SNX29: variants seen among roughly 807,000 people sequenced by gnomAD.
SNX29 encodes sorting nexin 29, also known as sorting nexin-29.
A neutral mutation model predicts 102.1 loss-of-function variants in SNX29; 78 were observed. That is an observed-to-expected ratio of 0.76 (90% CI 0.64 to 0.92). SNX29 has a LOEUF of 0.92. SNX29 is among the 40% of genes least tolerant of loss of function. The pLI is 0.00. For synonymous variants in SNX29, 580 were observed against 414.5 expected (o/e 1.40, Z -4.85); for missense variants, 1,280 against 1,061.7 (o/e 1.21, Z -2.86).
chr16:12,517,797 C>T (rs556360566), intron 19 of SNX29, among the ~76,000 whole-genome samples: 1 of 152,042 alleles, frequency 6.6e-6, no homozygotes, highest in Admixed American at 6.5e-5. Flanking sequence ...AGAATGAGGA[C>T]TGGATCAGAG....
At chr16:12,467,941 C>T (rs182017075) in intron 18 of SNX29, among the ~76,000 whole-genome samples, 131 of 152,248 alleles carry the variant, frequency 8.6e-4, no homozygotes, top group African/African-American at 3.1e-3. Context: ...AGGGAACAGC[C>T]ACAGCTCCAG....
intron 14 of SNX29, among the ~76,000 whole-genome samples, chr16:12,263,900 T>C (rs1040277665): frequency 6.6e-6 from 1 of 152,200 alleles, no homozygotes; most frequent in Non-Finnish European, 1.5e-5. Flanking sequence ...CTTTGCCCTT[T>C]TGAAGCTTCT....
chr16:12,345,920 G>A (rs553774120), intron 15 of SNX29, among the ~76,000 whole-genome samples: 159 of 152,228 alleles, frequency 1.0e-3, no homozygotes, highest in Non-Finnish European at 2.0e-3. Flanking sequence ...AATGTGGACA[G>A]AATAGTAGAA....
intron 19 of SNX29, among the ~76,000 whole-genome samples, chr16:12,516,857 A>G (rs754442113): frequency 1.3e-5 from 2 of 152,174 alleles, no homozygotes; most frequent in Non-Finnish European, 2.9e-5. Context: ...AATTCAGGGA[A>G]ATACAGGGGG....
At chr16:12,352,129 A>G (rs192267062) in intron 15 of SNX29, among the ~76,000 whole-genome samples, 25 of 152,354 alleles carry the variant, frequency 1.6e-4, no homozygotes, top group African/African-American at 5.0e-4. Flanking sequence ...ATGTCCAACA[A>G]TGATAGACTG....
At chr16:12,550,786 GAT>G (rs2077926168) in intron 20 of SNX29, among the ~76,000 whole-genome samples, 1 of 142,702 alleles carries the variant, frequency 7.0e-6, no homozygotes, top group African/African-American at 2.7e-5. Context: ...GAATAGCTGA[GAT>G]AAGGAAGAGG....
At chr16:12,345,018 C>T (rs988429062) in intron 15 of SNX29, among the ~76,000 whole-genome samples, 7 of 152,224 alleles carry the variant, frequency 4.6e-5, no homozygotes, top group South Asian at 2.1e-4. Context: ...TCATATGCTA[C>T]GTTTAAGGAA....
chr16:12,548,013 C>T (rs538703622), intron 20 of SNX29, among the ~76,000 whole-genome samples: 2 of 152,118 alleles, frequency 1.3e-5, no homozygotes, highest in Non-Finnish European at 2.9e-5. Flanking sequence ...GCATCCTGGA[C>T]TTTTGCACTG....
intron 11 of SNX29, among the ~76,000 whole-genome samples, chr16:12,097,361 G>A (rs1227394268): frequency 6.6e-6 from 1 of 152,180 alleles, no homozygotes; most frequent in African/African-American, 2.4e-5. Context: ...GCTTCACCTG[G>A]AGACCCTGCA....
chr16:12,350,954 A>G (rs1020424174), intron 15 of SNX29, among the ~76,000 whole-genome samples: 1 of 152,138 alleles, frequency 6.6e-6, no homozygotes, highest in African/African-American at 2.4e-5. Context: ...CTGCAGTACA[A>G]ATGAATTGTC....
chr16:12,507,153 G>C (rs1458032537), intron 19 of SNX29, among the ~76,000 whole-genome samples: 1 of 152,204 alleles, frequency 6.6e-6, no homozygotes, highest in Non-Finnish European at 1.5e-5. Context: ...AGACCGAAAT[G>C]CTTTCTGAGG....
At chr16:12,559,407 C>G (rs1124344) in intron 20 of SNX29, among the ~76,000 whole-genome samples, 9 of 151,368 alleles carry the variant, frequency 5.9e-5, no homozygotes, top group East Asian at 3.9e-4. Flanking sequence ...CCTGAAGGGA[C>G]CATCTAGTTG....
At chr16:12,252,353 C>A (rs900991520) in intron 14 of SNX29, among the ~76,000 whole-genome samples, 2 of 152,212 alleles carry the variant, frequency 1.3e-5, no homozygotes, top group Admixed American at 1.3e-4. Context: ...TCCCACCTGG[C>A]GGCTACCTCT....
intron 11 of SNX29, among the ~76,000 whole-genome samples, chr16:12,116,078 A>T (rs533297540): frequency 5.9e-5 from 9 of 152,184 alleles, no homozygotes; most frequent in African/African-American, 2.2e-4. Flanking sequence ...CTAATTTCCA[A>T]ACTCTCCTGT....
intron 18 of SNX29, among the ~76,000 whole-genome samples, chr16:12,458,255 C>T (rs1262366027): frequency 2.6e-5 from 4 of 152,046 alleles, no homozygotes; most frequent in Non-Finnish European, 4.4e-5. Context: ...ATATCTGCCC[C>T]GAGCTGACCA....
intron 17 of SNX29, among the ~76,000 whole-genome samples, chr16:12,399,638 C>T (rs911107370): frequency 1.3e-5 from 2 of 152,070 alleles, no homozygotes; most frequent in Non-Finnish European, 2.9e-5. Context: ...GGTCCTGATG[C>T]GAACCTTGCA....
intron 13 of SNX29, among the ~76,000 whole-genome samples, chr16:12,183,843 G>A (rs751863164): frequency 6.6e-5 from 10 of 152,186 alleles, no homozygotes; most frequent in Non-Finnish European, 1.0e-4. Context: ...CCACGATGAC[G>A]ATGAGAGTGA....
chr16:12,388,994 C>G (rs113680669), intron 16 of SNX29, among the ~76,000 whole-genome samples: 26 of 152,250 alleles, frequency 1.7e-4, no homozygotes, highest in African/African-American at 5.3e-4. Flanking sequence ...TCAGACCTGC[C>G]GCTTAAACAT....
intron 18 of SNX29, among the ~76,000 whole-genome samples, chr16:12,449,145 G>A (rs2086191523): frequency 6.6e-6 from 1 of 152,106 alleles, no homozygotes; most frequent in Admixed American, 6.5e-5. Flanking sequence ...GGTTAGGGAA[G>A]GCAGGCACAG....
Sources: allele counts gnomAD v4.1 joint callset (sites outside exome capture counted in the v4.1 genomes callset), GRCh38; gene constraint gnomAD v4.1.1; transcripts MANE v1.5; gene names NCBI Gene and HGNC (gene_info 2026-07-23, HGNC 2026-07-21).